LPP: variants seen among roughly 807,000 people sequenced by gnomAD.
LPP encodes the protein LIM domain containing preferred translocation partner in lipoma, also known as lipoma-preferred partner.
In LPP, 38 loss-of-function variants were observed where a neutral mutation model predicts 60.4. The observed-to-expected ratio is 0.63, with a 90% confidence interval of 0.49 to 0.83. The LOEUF is 0.83. LPP is among the 40% of genes least tolerant of loss of function. The probability of loss-of-function intolerance (pLI) is 0.00; values close to 1 mark genes in which losing one functional copy is unlikely to be tolerated. For missense variants in LPP, 902 were observed against 783.6 expected (o/e 1.15, Z -1.80); for synonymous variants, 328 against 290.8 (o/e 1.13, Z -1.30).
intron 2 of LPP, chr3:188,240,025 G>A (rs1004179372): frequency 5.1e-6 from 1 of 196,408 alleles, no homozygotes; most frequent in Non-Finnish European, 1.1e-5. Flanking sequence ...GTCTCAGAGA[G>A]CAAGAAATAG....
chr3:188,701,203 A>C (rs1426906946), intron 7 of LPP, among the ~76,000 whole-genome samples: 1 of 152,190 alleles, frequency 6.6e-6, no homozygotes, highest in African/African-American at 2.4e-5. Flanking sequence ...ATTTTGTTTC[A>C]GAAGCAAGTC....
intron 4 of LPP, among the ~76,000 whole-genome samples, chr3:188,419,554 C>T (rs1787212131): frequency 6.6e-6 from 1 of 152,158 alleles, no homozygotes; most frequent in African/African-American, 2.4e-5. Context: ...GAAACTTGGA[C>T]TCACCAGGAT....
chr3:188,475,851 C>T (rs1560452539), intron 4 of LPP, among the ~76,000 whole-genome samples: 1 of 152,072 alleles, frequency 6.6e-6, no homozygotes, highest in Non-Finnish European at 1.5e-5. Flanking sequence ...TGCAGTGAGC[C>T]GAGATTGCGC....
At chr3:188,189,466 T>C (rs1035072827) in intron 1 of LPP, among the ~76,000 whole-genome samples, 2 of 152,188 alleles carry the variant, frequency 1.3e-5, no homozygotes, top group Non-Finnish European at 2.9e-5. Context: ...GGGGCCACGC[T>C]GTGGTTTCTG....
intron 7 of LPP, among the ~76,000 whole-genome samples, chr3:188,672,473 G>T (rs993312968): frequency 5.3e-5 from 8 of 152,088 alleles, no homozygotes; most frequent in Non-Finnish European, 5.9e-5. Flanking sequence ...GTTAGGGAGG[G>T]TTAAAGGACT....
At chr3:188,172,845 A>T (rs1721965249) in intron 1 of LPP, among the ~76,000 whole-genome samples, 1 of 152,018 alleles carries the variant, frequency 6.6e-6, no homozygotes, top group Non-Finnish European at 1.5e-5. Flanking sequence ...TCATTTTAAA[A>T]CTTTCATCTT....
intron 4 of LPP, among the ~76,000 whole-genome samples, chr3:188,440,887 G>T (rs1180046324): frequency 6.6e-6 from 1 of 151,850 alleles, no homozygotes; most frequent in Non-Finnish European, 1.5e-5. Flanking sequence ...CTGCAAAATT[G>T]CTGGGATTAA....
intron 2 of LPP, among the ~76,000 whole-genome samples, chr3:188,270,194 G>A (rs917012109): frequency 6.6e-6 from 1 of 151,910 alleles, no homozygotes. Context: ...ATAGGAGCAC[G>A]GATTACTTAG....
At chr3:188,375,928 G>A (rs974937016) in intron 3 of LPP, among the ~76,000 whole-genome samples, 1 of 152,138 alleles carries the variant, frequency 6.6e-6, no homozygotes, top group Non-Finnish European at 1.5e-5. Flanking sequence ...TGGTTTCAAA[G>A]AACATCTTTA....
chr3:188,375,935 T>C (rs1481427034), intron 3 of LPP, among the ~76,000 whole-genome samples: 1 of 152,214 alleles, frequency 6.6e-6, no homozygotes, highest in Non-Finnish European at 1.5e-5. Flanking sequence ...AAAGAACATC[T>C]TTATTTCTGC....
intron 6 of LPP, among the ~76,000 whole-genome samples, chr3:188,607,404 T>A (rs1381432748): frequency 3.2e-5 from 3 of 93,816 alleles, no homozygotes; most frequent in Non-Finnish European, 4.3e-5. Flanking sequence ...TATATATATA[T>A]ATATATATAT....
At chr3:188,248,291 T>G (rs1189757874) in intron 2 of LPP, among the ~76,000 whole-genome samples, 1 of 151,718 alleles carries the variant, frequency 6.6e-6, no homozygotes, top group Non-Finnish European at 1.5e-5. Flanking sequence ...GGGACCTGCC[T>G]TCTTTTTATG....
intron 6 of LPP, among the ~76,000 whole-genome samples, chr3:188,602,177 T>TATATATATATATATA (rs1560620601): frequency 6.4e-4 from 74 of 115,034 alleles, no homozygotes; most frequent in Non-Finnish European, 1.0e-3. Flanking sequence ...ATATATATAT[T>TATATATATATATATA]ATATATATAT....
At chr3:188,278,549 A>G (rs1740816365) in intron 2 of LPP, among the ~76,000 whole-genome samples, 1 of 151,658 alleles carries the variant, frequency 6.6e-6, no homozygotes, top group South Asian at 2.1e-4. Context: ...ATTGTTTTTC[A>G]TGGTTTACTT....
At chr3:188,314,126 C>T (rs906939627) in intron 2 of LPP, among the ~76,000 whole-genome samples, 1 of 152,040 alleles carries the variant, frequency 6.6e-6, no homozygotes, top group African/African-American at 2.4e-5. Context: ...TGTACTAATA[C>T]CTCTAGAATA....
chr3:188,786,132 C>T (rs1360372880), intron 9 of LPP, among the ~76,000 whole-genome samples: 2 of 151,972 alleles, frequency 1.3e-5, no homozygotes. Flanking sequence ...GTAATCCTAG[C>T]ACTTTGGGAG....
At chr3:188,402,759 G>A (rs1399005630) in intron 3 of LPP, among the ~76,000 whole-genome samples, 1 of 152,230 alleles carries the variant, frequency 6.6e-6, no homozygotes, top group Non-Finnish European at 1.5e-5. Context: ...AACTTGTTGG[G>A]ACATGTAGGC....
At chr3:188,576,430 G>A (rs894459156) in intron 6 of LPP, among the ~76,000 whole-genome samples, 1 of 152,146 alleles carries the variant, frequency 6.6e-6, no homozygotes, top group Non-Finnish European at 1.5e-5. Context: ...ACATTACCTA[G>A]TACCTCTATG....
At chr3:188,419,656 G>T (rs1201042179) in intron 4 of LPP, among the ~76,000 whole-genome samples, 1 of 152,118 alleles carries the variant, frequency 6.6e-6, no homozygotes, top group Non-Finnish European at 1.5e-5. Flanking sequence ...ACTTTGGGAG[G>T]CCAAGGGTGG....
Sources: allele counts gnomAD v4.1 joint callset (sites outside exome capture counted in the v4.1 genomes callset), GRCh38; gene constraint gnomAD v4.1.1; transcripts MANE v1.5; gene names NCBI Gene and HGNC (gene_info 2026-07-23, HGNC 2026-07-21).